The following NRXN1 variants were observed in gnomAD, a reference collection of about 807,000 sequenced individuals.
NRXN1 encodes neurexin 1.
A neutral mutation model predicts 150.9 loss-of-function variants in NRXN1; 39 were observed. The observed-to-expected ratio is 0.26, with a 90% CI of 0.20 to 0.34. The LOEUF is 0.34. Ranked by LOEUF, NRXN1 falls within the 10% of genes least tolerant of loss-of-function variation. The probability of loss-of-function intolerance (pLI) is 1.00; values close to 1 mark genes in which losing one functional copy is unlikely to be tolerated. For missense variants in NRXN1, 1,815 were observed against 1,949.9 expected (o/e 0.93, Z 1.30); for synonymous variants, 924 against 757.0 (o/e 1.22, Z -3.62).
Position 50,090,109 on chromosome 2 carries a change from A to G in NRXN1, c.3718+1214T>C, listed in dbSNP as rs2152695337. ...TTTGTCATAGAGCAGTTTTTTTATT[A>G]CATTTAATTCAGCAAATATTGGCAG... On this transcript the variant is annotated intron_variant, in intron 19 of 22. Coordinates refer to ENST00000401669, the MANE Select transcript of NRXN1 (RefSeq NM_001330078.2). Among the ~76,000 whole-genome samples, 3 of 152,346 alleles carry G rather than the reference A, an allele frequency of 2.0e-5. No individual in the cohort carries two copies. In the Middle Eastern group the frequency reaches 0.01, roughly 518 times the overall value.
intron 17 of NRXN1, among the ~76,000 whole-genome samples, chr2:50,263,473 C>T (rs2068518876): frequency 6.6e-6 from 1 of 151,950 alleles, no homozygotes; most frequent in Admixed American, 6.6e-5. Flanking sequence ...GCTATTAGGT[C>T]TTCAAACACA....
chr2:50,086,927 T>C (rs1474460536), intron 19 of NRXN1, among the ~76,000 whole-genome samples: 1 of 152,166 alleles, frequency 6.6e-6, no homozygotes, highest in Non-Finnish European at 1.5e-5. Context: ...GCATTCATCT[T>C]GTTTATTTTC....
At chr2:50,338,095 C>T (rs911599921) in intron 17 of NRXN1, among the ~76,000 whole-genome samples, 3 of 152,216 alleles carry the variant, frequency 2.0e-5, no homozygotes, top group Non-Finnish European at 4.4e-5. Context: ...AAACCAAATA[C>T]ATTATTTGCA....
At chr2:50,136,474 A>C (rs1249249592) in intron 18 of NRXN1, among the ~76,000 whole-genome samples, 1 of 152,174 alleles carries the variant, frequency 6.6e-6, no homozygotes, top group African/African-American at 2.4e-5. Flanking sequence ...ATATTGTTAA[A>C]ATAATTTTGT....
At chr2:50,495,303 C>T (rs1315891094) in intron 15 of NRXN1, among the ~76,000 whole-genome samples, 1 of 149,828 alleles carries the variant, frequency 6.7e-6, no homozygotes, top group Non-Finnish European at 1.5e-5. Flanking sequence ...GGAAGAGAAG[C>T]GTATGTTAAG....
At chr2:50,331,693 C>T (rs1055077323) in intron 17 of NRXN1, among the ~76,000 whole-genome samples, 1 of 152,148 alleles carries the variant, frequency 6.6e-6, no homozygotes. Flanking sequence ...AGGTAACTTC[C>T]AACACCATTC....
intron 18 of NRXN1, among the ~76,000 whole-genome samples, chr2:50,225,744 AT>A (rs1240039625): frequency 6.6e-6 from 1 of 151,892 alleles, no homozygotes; most frequent in African/African-American, 2.4e-5. Context: ...TTATTGGTAC[AT>A]TTTTTTAAAC....
intron 18 of NRXN1, among the ~76,000 whole-genome samples, chr2:50,214,373 C>T (rs1332338774): frequency 1.3e-5 from 2 of 151,934 alleles, no homozygotes; most frequent in East Asian, 1.9e-4. Flanking sequence ...ATCAGCAAAT[C>T]TCTAATGCTA....
chr2:50,297,874 T>C (rs982078258), intron 17 of NRXN1, among the ~76,000 whole-genome samples: 2 of 152,082 alleles, frequency 1.3e-5, no homozygotes, highest in African/African-American at 4.8e-5. Flanking sequence ...AGTTCAACCA[T>C]GTATAAGGGC....
intron 18 of NRXN1, among the ~76,000 whole-genome samples, chr2:50,179,043 G>A (rs114280833): frequency 0.018 from 2,687 of 152,184 alleles, 37 homozygotes; most frequent in Non-Finnish European, 0.026. Flanking sequence ...ATTTTTAGGT[G>A]TCTTAGTTCA....
chr2:50,399,404 T>C (rs1486135361), intron 17 of NRXN1, among the ~76,000 whole-genome samples: 4 of 152,118 alleles, frequency 2.6e-5, no homozygotes, highest in African/African-American at 4.8e-5. Context: ...TACTCCTGAG[T>C]TCATGAGGAA....
chr2:50,730,429 A>C (rs2105194110), intron 5 of NRXN1, among the ~76,000 whole-genome samples: 1 of 152,234 alleles, frequency 6.6e-6, no homozygotes, highest in Middle Eastern at 3.4e-3. Flanking sequence ...GATTTCTCAG[A>C]CTGTGTGTCT....
chr2:51,000,443 A>G (rs754444109), intron 2 of NRXN1, among the ~76,000 whole-genome samples: 8 of 151,970 alleles, frequency 5.3e-5, no homozygotes, highest in Non-Finnish European at 1.2e-4. Flanking sequence ...AGCACCTATA[A>G]CAGTACTAAC....
At chr2:51,021,598 T>G (rs1669623422) in intron 2 of NRXN1, among the ~76,000 whole-genome samples, 2 of 152,062 alleles carry the variant, frequency 1.3e-5, no homozygotes, top group South Asian at 4.1e-4. Context: ...ATAACCTACT[T>G]ATGATAACTA....
chr2:50,950,805 T>C (rs1430201772), intron 2 of NRXN1, among the ~76,000 whole-genome samples: 1 of 152,230 alleles, frequency 6.6e-6, no homozygotes, highest in Non-Finnish European at 1.5e-5. Context: ...AGATACCTTG[T>C]TTATTAACCA....
chr2:50,944,525 T>C (rs1258307934), intron 2 of NRXN1, among the ~76,000 whole-genome samples: 1 of 152,224 alleles, frequency 6.6e-6, no homozygotes, highest in Non-Finnish European at 1.5e-5. Flanking sequence ...CTTCCGTTTA[T>C]TCATTTTGTA....
intron 17 of NRXN1, among the ~76,000 whole-genome samples, chr2:50,423,305 G>C (rs1252652729): frequency 6.6e-6 from 1 of 152,068 alleles, no homozygotes; most frequent in Non-Finnish European, 1.5e-5. Context: ...ATTTGTGATT[G>C]ATTGATTGGA....
intron 17 of NRXN1, among the ~76,000 whole-genome samples, chr2:50,280,986 TGTATTTTTATTA>T (rs1302528206): frequency 6.6e-6 from 1 of 152,060 alleles, no homozygotes; most frequent in African/African-American, 2.4e-5. Context: ...CAAGGAAAAC[TGTATTTTTATTA>T]TTTTTTATTA....
chr2:49,967,009 G>A (rs559944138), intron 21 of NRXN1, among the ~76,000 whole-genome samples: 28 of 152,248 alleles, frequency 1.8e-4, no homozygotes, highest in Non-Finnish European at 3.4e-4. Flanking sequence ...GGAGCCCAGT[G>A]AAGAGGATTC....
Sources: allele counts gnomAD v4.1 joint callset (sites outside exome capture counted in the v4.1 genomes callset), GRCh38; gene constraint gnomAD v4.1.1; transcripts MANE v1.5; gene names NCBI Gene and HGNC (gene_info 2026-07-23, HGNC 2026-07-21).